Variants in ST18 observed in about 807,000 individuals in gnomAD.
ST18 encodes ST18 C2H2C-type zinc finger transcription factor, also known as suppression of tumorigenicity 18 protein.
In ST18, 50 loss-of-function variants were observed where a neutral mutation model predicts 110.0. The observed-to-expected ratio is 0.45, with a 90% CI of 0.36 to 0.58. The LOEUF is 0.58. ST18 is among the 20% of genes least tolerant of loss of function. The probability of loss-of-function intolerance (pLI) is 0.00; values close to 1 mark genes in which losing one functional copy is unlikely to be tolerated. For missense variants in ST18, 1,306 were observed against 1,280.1 expected (o/e 1.02, Z -0.31); for synonymous variants, 461 against 452.4 (o/e 1.02, Z -0.24).
At chr8:52,152,842 A>T (rs1253187350) in intron 15 of ST18, among the ~76,000 whole-genome samples, 1 of 152,248 alleles carries the variant, frequency 6.6e-6, no homozygotes, top group Non-Finnish European at 1.5e-5. Context: ...ATACTTAATG[A>T]AAATATGCCA....
chr8:52,298,006 G>A (rs962451881), intron 2 of ST18, among the ~76,000 whole-genome samples: 5 of 152,094 alleles, frequency 3.3e-5, no homozygotes, highest in African/African-American at 7.2e-5. Flanking sequence ...CCTCATTCTT[G>A]CACCCTTTGG....
chr8:52,400,491 T>C (rs1842533518), intron 2 of ST18, among the ~76,000 whole-genome samples: 1 of 152,120 alleles, frequency 6.6e-6, no homozygotes, highest in African/African-American at 2.4e-5. Context: ...TTGTAGATTC[T>C]TTTTCCTTTC....
chr8:52,408,090 A>C (rs1341248753), intron 2 of ST18, among the ~76,000 whole-genome samples: 2 of 152,240 alleles, frequency 1.3e-5, no homozygotes, highest in African/African-American at 4.8e-5. Flanking sequence ...TCACCTAAAA[A>C]GTTTGGTTAC....
At chr8:52,252,612 A>G (rs1283892938) in intron 2 of ST18, among the ~76,000 whole-genome samples, 1 of 152,008 alleles carries the variant, frequency 6.6e-6, no homozygotes, top group Non-Finnish European at 1.5e-5. Flanking sequence ...AAGGTACAGT[A>G]TATCCAAATT....
At chr8:52,202,442 T>C (rs1036876845) in intron 8 of ST18, among the ~76,000 whole-genome samples, 8 of 152,228 alleles carry the variant, frequency 5.3e-5, no homozygotes, top group Non-Finnish European at 7.3e-5. Context: ...AGGTTTTTCC[T>C]TTTTTTATTG....
At chr8:52,241,333 A>G (rs973753490) in intron 2 of ST18, among the ~76,000 whole-genome samples, 2 of 152,244 alleles carry the variant, frequency 1.3e-5, no homozygotes, top group African/African-American at 4.8e-5. Context: ...TCCTCTAAAC[A>G]AAGGTGGTCA....
At chr8:52,260,628 A>C (rs1317779109) in intron 2 of ST18, among the ~76,000 whole-genome samples, 1 of 152,184 alleles carries the variant, frequency 6.6e-6, no homozygotes, top group Non-Finnish European at 1.5e-5. Context: ...AGCACTGGGC[A>C]CACACTGGGC....
intron 16 of ST18, among the ~76,000 whole-genome samples, chr8:52,146,306 C>T (rs922819357): frequency 1.3e-5 from 2 of 152,160 alleles, no homozygotes; most frequent in Non-Finnish European, 2.9e-5. Flanking sequence ...CAGTCCTGTA[C>T]CCGCAGAAAC....
At chr8:52,320,889 A>G (rs1803613376) in intron 2 of ST18, among the ~76,000 whole-genome samples, 1 of 152,222 alleles carries the variant, frequency 6.6e-6, no homozygotes. Flanking sequence ...CTCACGCTGC[A>G]TTGTTCATGT....
In ST18 at chr8:52,221,085, C is replaced by CTCTATCTA. The variant is rs58429982; in HGVS notation, c.-264-245_-264-238dup. Among the ~76,000 whole-genome samples the CTCTATCTA allele has an allele frequency of 4.7e-3, 698 of 148,442 alleles. 3 individuals carry two copies. The highest frequency in any genetic ancestry group is 0.012 in the East Asian group (58 of 4,996). Reference sequence around the variant, plus strand: ...TTGTCTTTATTACCAAACTACCTATCTCTATCTATCTATCTATCTATCTAT... The same window carrying CTCTATCTA: ...TTGTCTTTATTACCAAACTACCTATCTCTATCTATCTATCTATCTATCTATCTATCTAT... On this transcript the variant is annotated intron_variant, in intron 4 of 25. Coordinates refer to ENST00000689386, the MANE Select transcript of ST18 (RefSeq NM_001352837.2).
chr8:52,348,524 G>A (rs1818745816), intron 2 of ST18, among the ~76,000 whole-genome samples: 1 of 152,138 alleles, frequency 6.6e-6, no homozygotes, highest in Admixed American at 6.5e-5. Context: ...AAGCCGAGGC[G>A]GGCATATCAC....
At chr8:52,188,394 C>T (rs1056623771) in intron 8 of ST18, among the ~76,000 whole-genome samples, 1 of 152,236 alleles carries the variant, frequency 6.6e-6, no homozygotes, top group East Asian at 1.9e-4. Context: ...ACAGCAGGTG[C>T]AAGGGCCCTG....
chr8:52,183,172 C>T (rs1163971692), intron 8 of ST18, among the ~76,000 whole-genome samples: 1 of 152,122 alleles, frequency 6.6e-6, no homozygotes, highest in Non-Finnish European at 1.5e-5. Context: ...AGAGTAGAAC[C>T]TGGATGAAAC....
intron 2 of ST18, among the ~76,000 whole-genome samples, chr8:52,243,772 A>G (rs1364883349): frequency 6.6e-6 from 1 of 152,162 alleles, no homozygotes; most frequent in Non-Finnish European, 1.5e-5. Flanking sequence ...TTATATGTAC[A>G]ATGTTGGTAC....
intron 2 of ST18, among the ~76,000 whole-genome samples, chr8:52,253,527 A>G (rs760666129): frequency 5.7e-4 from 86 of 152,188 alleles, no homozygotes; most frequent in Non-Finnish European, 8.8e-4. Context: ...AATTATAACT[A>G]CCATACTTAT....
intron 2 of ST18, among the ~76,000 whole-genome samples, chr8:52,312,843 G>C (rs1192924737): frequency 3.3e-5 from 5 of 152,082 alleles, no homozygotes; most frequent in African/African-American, 1.2e-4. Flanking sequence ...AGGGGTCAGT[G>C]ATGAAAAAAA....
Position 52,161,485 on chromosome 8 carries a change from T to C in ST18, c.1484A>G (p.Glu495Gly). 1.2e-6 allele frequency: 2 copies of C among 1,614,222 alleles called. No individual in the cohort carries two copies. The highest frequency in any genetic ancestry group is 1.7e-5 in the Admixed American group (1 of 60,026). The change falls in exon 14 of 26, where the codon GAG becomes GGG. Residue 495 changes from glutamate to glycine, a missense_variant. Coordinates refer to ENST00000689386, the MANE Select transcript of ST18 (RefSeq NM_001352837.2). Reference protein sequence around the residue: ...SPRATVSKEQEKFGKVPFDYA... With the variant: ...SPRATVSKEQGKFGKVPFDYA... ...ATCAAATGGTACTTTTCCAAACTTC[T>C]CTTGTTCTTTTGACACTGTGGCTCT...
chr8:52,350,780 G>A (rs1819945176), intron 2 of ST18, among the ~76,000 whole-genome samples: 1 of 151,800 alleles, frequency 6.6e-6, no homozygotes, highest in Non-Finnish European at 1.5e-5. Flanking sequence ...AAGTGCAGTG[G>A]CCCAATCTTG....
In ST18 at chr8:52,179,311, T is replaced by A. The variant is rs1258420666; in HGVS notation, c.277+811A>T. ...TAACATTCAATGGGGAAAAAAGAAATCCTAAAGTTTTGAAACGTAACTACT... is the reference window on the plus strand; with the variant it reads ...TAACATTCAATGGGGAAAAAAGAAAACCTAAAGTTTTGAAACGTAACTACT... On this transcript the variant is annotated intron_variant, in intron 9 of 25. Transcript: ENST00000689386. Among the ~76,000 whole-genome samples, 4 of 152,190 alleles carry A rather than the reference T, an allele frequency of 2.6e-5. No individual in the cohort carries two copies. The East Asian group carries it at 7.7e-4, about 29-fold the overall frequency.
Sources: allele counts gnomAD v4.1 joint callset (sites outside exome capture counted in the v4.1 genomes callset), GRCh38; gene constraint gnomAD v4.1.1; transcripts MANE v1.5; gene names NCBI Gene and HGNC (gene_info 2026-07-23, HGNC 2026-07-21).